Variants in PRMT8 observed in about 807,000 individuals in gnomAD.
PRMT8 encodes the protein protein arginine N-methyltransferase 8.
A neutral mutation model predicts 47.1 loss-of-function variants in PRMT8; 7 were observed. The ratio of observed to expected loss-of-function variants is 0.15; its 90% CI spans 0.08 to 0.28. The LOEUF (loss-of-function observed/expected upper bound fraction) is 0.28. Ranked by LOEUF, PRMT8 falls within the 10% of genes least tolerant of loss-of-function variation. The probability of loss-of-function intolerance (pLI) is 1.00; values close to 1 mark genes in which losing one functional copy is unlikely to be tolerated. For synonymous variants in PRMT8, 188 were observed against 186.5 expected, an observed-to-expected ratio of 1.01 and a Z score of -0.07; for missense variants, 237 against 505.4, an observed-to-expected ratio of 0.47 and a Z score of 5.09.
chr12:3,579,694 C>G (rs1867017037), intron 7 of PRMT8, among the ~76,000 whole-genome samples: 1 of 152,216 alleles, frequency 6.6e-6, no homozygotes, highest in Non-Finnish European at 1.5e-5. Context: ...AAAACACTTG[C>G]CCTTCTTCAC....
Position 3,550,887 on chromosome 12 carries a change from G to C in PRMT8, c.417+796G>C, listed in dbSNP as rs891201413. 1 of 152,244 alleles carries C rather than the reference G, an allele frequency of 6.6e-6. No individual in the cohort carries two copies. The highest frequency in any genetic ancestry group is 6.5e-5 in the Admixed American group (1 of 15,288). 9.4% of individuals were successfully genotyped at this position (152,244 alleles called of 1,614,324 possible). A position where few individuals can be genotyped will look rare whatever the true frequency, so the allele number is the denominator to read the frequency against. On this transcript the variant is annotated intron_variant, in intron 3 of 9. Coordinates refer to ENST00000382622, the MANE Select transcript of PRMT8 (RefSeq NM_019854.5). The surrounding 1 kb of genome is among the most constrained non-coding windows in gnomAD (Gnocchi z 5.1). ...AGCTGCGAGATGCTGGCTGATATTT[G>C]AAAAATGCAGTGGGCCCAGGGCTGG...
intron 9 of PRMT8, 25 bp downstream of exon 9, chr12:3,592,377 A>C: frequency 6.3e-7 from 1 of 1,597,286 alleles, no homozygotes; most frequent in Non-Finnish European, 8.5e-7. Flanking sequence ...ACATAAGGAC[A>C]TAAGGGAGAA....
chr12:3,536,201 C>A (rs1200870606), intron 1 of PRMT8, among the ~76,000 whole-genome samples: 1 of 152,212 alleles, frequency 6.6e-6, no homozygotes, highest in East Asian at 1.9e-4. Flanking sequence ...CCCCATGTAG[C>A]TGAATGTTCA....
rs1393763217 is a variant in PRMT8 at position 3,566,575 on chromosome 12, G to C, written c.482-2131G>C. Among the ~76,000 whole-genome samples, 1 of 152,218 alleles carries C rather than the reference G, an allele frequency of 6.6e-6. No individual in the cohort carries two copies. The highest frequency in any genetic ancestry group is 2.1e-4 in the South Asian group (1 of 4,830). On this transcript the variant is annotated intron_variant, in intron 4 of 9. Transcript: ENST00000382622. This position sits in a 1 kb window ranked among gnomAD's most constrained non-coding sequence, Gnocchi z 4.7. ...TTGATTAAATACCACATAGTGGAGAGTAAACTGTTATTAGAAGCTGCTAAT... is the reference window on the plus strand; with the variant it reads ...TTGATTAAATACCACATAGTGGAGACTAAACTGTTATTAGAAGCTGCTAAT...
At chr12:3,591,972 T>A (rs1422023966) in intron 8 of PRMT8, among the ~76,000 whole-genome samples, 2 of 152,076 alleles carry the variant, frequency 1.3e-5, no homozygotes, top group African/African-American at 2.4e-5. Flanking sequence ...TATCGGGTTG[T>A]TTGTCTTCTG....
intron 1 of PRMT8, among the ~76,000 whole-genome samples, chr12:3,465,633 A>G (rs895259689): frequency 6.6e-6 from 1 of 152,176 alleles, no homozygotes; most frequent in Non-Finnish European, 1.5e-5. Flanking sequence ...GGAGTCATTG[A>G]GGCTTATTGA....
At chr12:3,391,475 G>T (rs1159762387) in intron 1 of PRMT8, among the ~76,000 whole-genome samples, 2 of 152,186 alleles carry the variant, frequency 1.3e-5, no homozygotes, top group East Asian at 3.9e-4. Flanking sequence ...TCTGTGTGTG[G>T]GACGAGCAGT....
intron 1 of PRMT8, among the ~76,000 whole-genome samples, chr12:3,476,774 A>G (rs1347015589): frequency 1.3e-5 from 2 of 152,196 alleles, no homozygotes; most frequent in African/African-American, 2.4e-5. Context: ...CTACCTGTCA[A>G]AGTGTCTGCA....
At chr12:3,547,913 A>G (rs1411349253) in intron 2 of PRMT8, among the ~76,000 whole-genome samples, 1 of 152,228 alleles carries the variant, frequency 6.6e-6, no homozygotes, top group Admixed American at 6.5e-5. Flanking sequence ...AGTTGATTCT[A>G]AAATTTATAT....
At chr12:3,411,747 A>G (rs1193622901) in intron 1 of PRMT8, among the ~76,000 whole-genome samples, 1 of 152,200 alleles carries the variant, frequency 6.6e-6, no homozygotes, top group African/African-American at 2.4e-5. Context: ...TAAGAGGAGA[A>G]AGAGAGATCT....
chr12:3,416,852 G>T (rs1324723376), intron 1 of PRMT8, among the ~76,000 whole-genome samples: 2 of 152,240 alleles, frequency 1.3e-5, no homozygotes, highest in African/African-American at 4.8e-5. Flanking sequence ...TTGCGCTGCT[G>T]CAGGCTTAAG....
chr12:3,410,123 C>G (rs1410313723), intron 1 of PRMT8, among the ~76,000 whole-genome samples: 1 of 152,172 alleles, frequency 6.6e-6, no homozygotes, highest in East Asian at 1.9e-4. Context: ...TTCTCAGCAC[C>G]ATAAAACTGC....
intron 6 of PRMT8, among the ~76,000 whole-genome samples, chr12:3,571,938 A>G (rs1866854313): frequency 6.6e-6 from 1 of 152,218 alleles, no homozygotes; most frequent in Admixed American, 6.5e-5. Context: ...AGAACCAGCT[A>G]AGAAGGAAAA....
At chr12:3,582,369 T>C (rs139674915) in intron 7 of PRMT8, among the ~76,000 whole-genome samples, 1 of 152,382 alleles carries the variant, frequency 6.6e-6, no homozygotes, top group Admixed American at 6.5e-5. Context: ...TTCTCACTTC[T>C]TATTTTCCCC....
At chr12:3,382,622 G>A (rs77577277) in intron 1 of PRMT8, among the ~76,000 whole-genome samples, 4,263 of 151,890 alleles carry the variant, frequency 0.028, 215 homozygotes, top group African/African-American at 0.098. Flanking sequence ...CTAGTTCTTC[G>A]TCAGATATGT....
At chr12:3,561,187 C>T (rs753565565) in intron 4 of PRMT8, among the ~76,000 whole-genome samples, 3 of 152,158 alleles carry the variant, frequency 2.0e-5, no homozygotes, top group Non-Finnish European at 2.9e-5. Flanking sequence ...GTTTTAGCAG[C>T]TCTTTCACCA....
rs145112820 is a variant in PRMT8 at position 3,386,257 on chromosome 12, C to T, written c.48+4815C>T. On this transcript the variant is annotated intron_variant, in intron 1 of 9. Coordinates refer to the PRMT8 transcript ENST00000452611. ...CATGGAACAAAATGGTGTGGTTCCT[C>T]TTCCAGGAAGTGCTGCCATCTCTCT... is the stretch of plus-strand genomic sequence containing the variant. 6.4e-3 allele frequency among the ~76,000 whole-genome samples: 979 copies of T among 152,360 alleles called. 12 individuals carry two copies. Among genetic ancestry groups the T allele is most frequent in the African/African-American group, 0.021 (893 of 41,586 alleles).
chr12:3,473,378 G>A lies in PRMT8; in HGVS notation c.49-67228G>A, dbSNP rs76919548. On this transcript the variant is annotated intron_variant, in intron 1 of 9. Coordinates refer to the PRMT8 transcript ENST00000452611. Reference sequence around the variant, plus strand: ...TCCACCCAGAACGGTCTCCTGTTTCGACTTCCCCAATGGTGCTGCCTCTGG... The same window carrying A: ...TCCACCCAGAACGGTCTCCTGTTTCAACTTCCCCAATGGTGCTGCCTCTGG... 9.9e-3 allele frequency among the ~76,000 whole-genome samples: 1,506 copies of A among 152,130 alleles called. 30 individuals carry two copies. Among genetic ancestry groups the A allele is most frequent in the African/African-American group, 0.034 (1,404 of 41,494 alleles).
chr12:3,580,385 A>T lies in PRMT8; in HGVS notation c.829-2673A>T, dbSNP rs1308597475. Reference sequence around the variant, plus strand: ...GTGTGTGTACGCGTGCGCATGCGGGATAGAAGGAGAAAGTAACCACGTCTA... The same window carrying T: ...GTGTGTGTACGCGTGCGCATGCGGGTTAGAAGGAGAAAGTAACCACGTCTA... On this transcript the variant is annotated intron_variant, in intron 7 of 9. Coordinates refer to ENST00000382622, the MANE Select transcript of PRMT8 (RefSeq NM_019854.5). The surrounding 1 kb of genome is among the most constrained non-coding windows in gnomAD (Gnocchi z 4.6). Among the ~76,000 whole-genome samples the T allele has an allele frequency of 6.6e-6, 1 of 150,566 alleles. No homozygotes were observed. The highest frequency in any genetic ancestry group is 1.5e-5 in the Non-Finnish European group (1 of 67,658).
Sources: gnomAD v4.1 joint callset for allele counts (sites outside exome capture counted in the v4.1 genomes callset) on GRCh38, gnomAD v4.1.1 for gene constraint, Gnocchi (gnomAD v3.1) non-coding constraint, MANE v1.5 for transcripts, NCBI Gene and HGNC (gene_info 2026-07-23, HGNC 2026-07-21) for gene names.